The following CFAP91 variants were observed in gnomAD, a reference collection of about 807,000 sequenced individuals.
CFAP91 encodes the protein cilia- and flagella-associated protein 91.
A neutral mutation model predicts 95.9 loss-of-function variants in CFAP91; 85 were observed. That is an observed-to-expected ratio of 0.89 (90% CI 0.74 to 1.06). CFAP91 has a LOEUF of 1.06. Among genes scored for constraint, CFAP91 ranks in the 50% least tolerant of loss-of-function variants. The probability of loss-of-function intolerance (pLI) is 0.00; values close to 1 mark genes in which losing one functional copy is unlikely to be tolerated. For missense variants in CFAP91, 962 were observed against 943.4 expected, an observed-to-expected ratio of 1.02 and a Z score of -0.26; for synonymous variants, 335 against 327.5, an observed-to-expected ratio of 1.02 and a Z score of -0.25.
intron 17 of CFAP91, among the ~76,000 whole-genome samples, chr3:119,751,402 T>A (rs1186346470): frequency 2.0e-5 from 3 of 152,216 alleles, no homozygotes; most frequent in Non-Finnish European, 4.4e-5. Flanking sequence ...GTGTCAGTGT[T>A]ACATATAAAC....
intron 17 of CFAP91, among the ~76,000 whole-genome samples, chr3:119,763,926 A>G (rs930366303): frequency 6.6e-6 from 1 of 152,114 alleles, no homozygotes; most frequent in Non-Finnish European, 1.5e-5. Context: ...CGTGGTGACT[A>G]TATTTAATAA....
chr3:119,751,308 C>A lies in CFAP91; in HGVS notation c.*1+210C>A, dbSNP rs150953681. Reference sequence around the variant, plus strand: ...GAGTTGATATTACAGCAATTAGACTCTTGTGATACAAAAAAGAGGACTCTA... The same window carrying A: ...GAGTTGATATTACAGCAATTAGACTATTGTGATACAAAAAAGAGGACTCTA... On this transcript the variant is annotated intron_variant, in intron 17 of 17. Transcript: ENST00000273390. Among the ~76,000 whole-genome samples, 5 of 152,266 alleles carry A rather than the reference C, an allele frequency of 3.3e-5. No homozygotes were observed. The East Asian group carries it at 9.6e-4, about 29-fold the overall frequency.
At chr3:119,751,439 G>A (rs2107913806) in intron 17 of CFAP91, among the ~76,000 whole-genome samples, 1 of 152,302 alleles carries the variant, frequency 6.6e-6, no homozygotes, top group East Asian at 1.9e-4. Flanking sequence ...AAGTAGACAA[G>A]GTATGCCCTA....
intron 10 of CFAP91, among the ~76,000 whole-genome samples, chr3:119,734,379 C>A (rs541838919): frequency 6.7e-4 from 102 of 152,328 alleles, no homozygotes; most frequent in African/African-American, 2.4e-3. Flanking sequence ...ACGCCCCCAT[C>A]TCCTTTCACC....
At chr3:119,750,715 T>A (rs370443192) in intron 16 of CFAP91, 1 of 538,466 alleles carries the variant, frequency 1.9e-6, no homozygotes, top group East Asian at 3.3e-5. Context: ...GCATTCCAGA[T>A]GAGGGAAACT....
chr3:119,763,360 T>C (rs2054572744), intron 17 of CFAP91, among the ~76,000 whole-genome samples: 1 of 152,032 alleles, frequency 6.6e-6, no homozygotes, highest in African/African-American at 2.4e-5. Context: ...CCGTTGCACA[T>C]TGTTGGTGGG....
intron 3 of CFAP91, among the ~76,000 whole-genome samples, chr3:119,707,801 G>A (rs1301438773): frequency 6.7e-6 from 1 of 150,214 alleles, no homozygotes; most frequent in Non-Finnish European, 1.5e-5. Context: ...GGATGATTGA[G>A]TTTGTTGTTG....
chr3:119,716,395 A>G (rs931302417), intron 6 of CFAP91, among the ~76,000 whole-genome samples: 3 of 152,248 alleles, frequency 2.0e-5, no homozygotes, highest in Non-Finnish European at 4.4e-5. Context: ...CAGAGAGGTT[A>G]ACTAATTCCT....
intron 11 of CFAP91, among the ~76,000 whole-genome samples, chr3:119,738,214 A>G (rs1193381027): frequency 6.6e-6 from 1 of 151,598 alleles, no homozygotes; most frequent in Middle Eastern, 3.2e-3. Flanking sequence ...ACCTGTTACT[A>G]CCTCTGATGA....
At chr3:119,722,166 G>A (rs1340964111) in intron 6 of CFAP91, among the ~76,000 whole-genome samples, 12 of 138,438 alleles carry the variant, frequency 8.7e-5, no homozygotes, top group Admixed American at 3.0e-4. Context: ...AACAGAGTGC[G>A]ACCCTGTCTC....
chr3:119,737,026 G>C (rs986531929), intron 10 of CFAP91, among the ~76,000 whole-genome samples: 6 of 152,036 alleles, frequency 3.9e-5, no homozygotes, highest in African/African-American at 1.5e-4. Flanking sequence ...AGTAGAGATG[G>C]GGTTTCTCTA....
intron 10 of CFAP91, among the ~76,000 whole-genome samples, chr3:119,735,979 T>TA (rs928228634): frequency 5.3e-5 from 8 of 152,158 alleles, no homozygotes; most frequent in African/African-American, 1.9e-4. Context: ...TTTTTTTTTT[T>TA]TATAATTTCT....
At chr3:119,730,097 G>A (rs186360515) in intron 7 of CFAP91, 123 bp from the exon 8 acceptor site, 2 of 970,692 alleles carry the variant, frequency 2.1e-6, no homozygotes, top group African/African-American at 3.3e-5. Flanking sequence ...TTGCCAGAGT[G>A]GTCTTTTGGC....
chr3:119,753,309 G>C (rs1049947276), intron 17 of CFAP91, among the ~76,000 whole-genome samples: 3 of 152,216 alleles, frequency 2.0e-5, no homozygotes, highest in African/African-American at 7.2e-5. Flanking sequence ...CATTTGGGTA[G>C]GGACTCTAAA....
At chr3:119,726,037 C>T in intron 6 of CFAP91, 134 bp from the exon 7 acceptor site, 1 of 644,842 alleles carries the variant, frequency 1.6e-6, no homozygotes, top group East Asian at 3.1e-5. Context: ...AGAGGCTGTT[C>T]CCTAATGTCA....
chr3:119,713,851 A>G (rs1203630531), intron 5 of CFAP91, among the ~76,000 whole-genome samples: 1 of 152,022 alleles, frequency 6.6e-6, no homozygotes, highest in Admixed American at 6.6e-5. Context: ...AATCATGGAT[A>G]TTTTTGAATG....
chr3:119,754,061 G>A (rs2054377726), intron 17 of CFAP91, among the ~76,000 whole-genome samples: 1 of 152,204 alleles, frequency 6.6e-6, no homozygotes, highest in South Asian at 2.1e-4. Context: ...ATGTGGGAGT[G>A]GCCTTGCCAC....
chr3:119,732,834 A>G (rs1255195303), intron 9 of CFAP91, among the ~76,000 whole-genome samples: 2 of 152,258 alleles, frequency 1.3e-5, no homozygotes, highest in East Asian at 1.9e-4. Flanking sequence ...TCAAAAAACT[A>G]GTGGGCAAGA....
chr3:119,720,853 A>G (rs2053670695), intron 6 of CFAP91, among the ~76,000 whole-genome samples: 1 of 152,198 alleles, frequency 6.6e-6, no homozygotes, highest in Non-Finnish European at 1.5e-5. Flanking sequence ...TAATCTCTAG[A>G]TTACTTATAA....
Sources: allele counts gnomAD v4.1 joint callset (sites outside exome capture counted in the v4.1 genomes callset), GRCh38; gene constraint gnomAD v4.1.1; transcripts MANE v1.5; gene names NCBI Gene and HGNC (gene_info 2026-07-23, HGNC 2026-07-21).